NAV3: variants seen among roughly 807,000 people sequenced by gnomAD.
NAV3 encodes neuron navigator 3, also known as pore membrane and/or filament interacting like protein 1.
NAV3 carries 87 observed loss-of-function variants against 244.7 expected under a neutral mutation model. The ratio of observed to expected loss-of-function variants is 0.36; its 90% CI spans 0.30 to 0.42. NAV3 has a LOEUF of 0.42. NAV3 is among the 20% of genes least tolerant of loss of function. The pLI, the probability that NAV3 is intolerant of heterozygous loss-of-function variation, is 1.00. For synonymous variants in NAV3, 1,126 were observed against 1,042.2 expected (o/e 1.08, Z -1.55); for missense variants, 2,663 against 2,893.3 (o/e 0.92, Z 1.83).
At chr12:77,976,760 C>T (rs889893199) in intron 5 of NAV3, among the ~76,000 whole-genome samples, 1 of 143,636 alleles carries the variant, frequency 7.0e-6, no homozygotes, top group Non-Finnish European at 1.5e-5. Flanking sequence ...CTCACTGCAA[C>T]CTTCCCCTCC....
At chr12:77,691,647 T>C (rs1875038453) in intron 2 of NAV3, among the ~76,000 whole-genome samples, 1 of 151,708 alleles carries the variant, frequency 6.6e-6, no homozygotes, top group South Asian at 2.1e-4. Flanking sequence ...ATGTTTTTTC[T>C]TCGTTGAATT....
Position 77,953,823 on chromosome 12 carries a change from A to G in NAV3, c.415-12406A>G, listed in dbSNP as rs187564006. Among the ~76,000 whole-genome samples, 17 of 152,314 alleles carry G rather than the reference A, an allele frequency of 1.1e-4. No homozygotes were observed. In the East Asian group the frequency reaches 2.1e-3, roughly 19 times the overall value. ...ATCCCTGCTCAGCTTTGGGCTTGCC[A>G]AAGTTTTGATTTCTACTACTTTACT... On this transcript the variant is annotated intron_variant, in intron 3 of 39. Coordinates refer to ENST00000397909, the MANE Select transcript of NAV3 (RefSeq NM_001024383.2).
At chr12:77,878,315 T>A (rs923992472) in intron 1 of NAV3, among the ~76,000 whole-genome samples, 1 of 152,076 alleles carries the variant, frequency 6.6e-6, no homozygotes, top group Non-Finnish European at 1.5e-5. Flanking sequence ...AACCTCCACC[T>A]CCCTGGTTCA....
chr12:78,067,051 C>A (rs1238904985), intron 12 of NAV3, among the ~76,000 whole-genome samples: 2 of 152,058 alleles, frequency 1.3e-5, no homozygotes, highest in Non-Finnish European at 2.9e-5. Context: ...ATTTCCAAGC[C>A]TTTTCCAACT....
chr12:77,780,852 A>G (rs889407583), intron 2 of NAV3, among the ~76,000 whole-genome samples: 2 of 152,146 alleles, frequency 1.3e-5, no homozygotes, highest in African/African-American at 4.8e-5. Context: ...CCTGTGTAAA[A>G]TTTAGCCAAG....
intron 2 of NAV3, among the ~76,000 whole-genome samples, chr12:77,723,948 T>C (rs1267986790): frequency 6.6e-6 from 1 of 151,806 alleles, no homozygotes; most frequent in Admixed American, 6.6e-5. Context: ...CGTTTGTTCT[T>C]GAAAATATGA....
At chr12:78,022,387 A>G (rs1267514917) in intron 9 of NAV3, among the ~76,000 whole-genome samples, 1 of 152,162 alleles carries the variant, frequency 6.6e-6, no homozygotes, top group Non-Finnish European at 1.5e-5. Context: ...CTTGAGCACA[A>G]TGTTTTCTCT....
chr12:78,138,703 A>G (rs1239976923), intron 19 of NAV3, among the ~76,000 whole-genome samples: 2 of 152,296 alleles, frequency 1.3e-5, no homozygotes, highest in East Asian at 1.9e-4. Flanking sequence ...TTTGCTAAGC[A>G]TACAGATGGC....
At chr12:78,016,207 A>C (rs978278492) in intron 8 of NAV3, among the ~76,000 whole-genome samples, 1 of 151,708 alleles carries the variant, frequency 6.6e-6, no homozygotes, top group African/African-American at 2.4e-5. Flanking sequence ...CATTGCTCCT[A>C]GGTTTTCTTG....
chr12:78,060,732 GA>G (rs2137440195), intron 12 of NAV3, among the ~76,000 whole-genome samples: 1 of 152,246 alleles, frequency 6.6e-6, no homozygotes, highest in Admixed American at 6.5e-5. Flanking sequence ...TGAGTTATGT[GA>G]AAAATAGGAG....
intron 2 of NAV3, among the ~76,000 whole-genome samples, chr12:77,775,361 C>G (rs573995342): frequency 6.7e-6 from 1 of 150,186 alleles, no homozygotes; most frequent in Non-Finnish European, 1.5e-5. Context: ...CATTGTACTC[C>G]AGCATGGGCA....
intron 1 of NAV3, among the ~76,000 whole-genome samples, chr12:77,847,122 A>G (rs116229056): frequency 0.012 from 1,821 of 152,262 alleles, 31 homozygotes; most frequent in African/African-American, 0.042. Flanking sequence ...TCTCCTCTGT[A>G]AGACAGACAG....
Position 77,891,781 on chromosome 12 carries a change from T to G in NAV3, c.244-48538T>G, listed in dbSNP as rs113928950. ...AAGTCTTGCTTTCCAGTGTAATGCT[T>G]TTCTGTGTTACACTCTGCTGCCTTC... On this transcript the variant is annotated intron_variant, in intron 1 of 39. Transcript: ENST00000397909. 2.7e-3 allele frequency among the ~76,000 whole-genome samples: 411 copies of G among 152,316 alleles called. 1 individual carries two copies. Among genetic ancestry groups the G allele is most frequent in the African/African-American group, 9.0e-3 (373 of 41,576 alleles).
At position 78,140,265 on chromosome 12, in the gene NAV3, C is replaced by T. The variant is rs2139063523; in HGVS notation, c.4631-17C>T. The T allele has an allele frequency of 1.2e-6, 2 of 1,610,162 alleles. No individual in the cohort carries two copies. The highest frequency in any genetic ancestry group is 8.5e-7 in the Non-Finnish European group (1 of 1,176,776). On this transcript the variant is annotated splice_polypyrimidine_tract_variant and intron_variant, in intron 19 of 39. Coordinates refer to ENST00000397909, the MANE Select transcript of NAV3 (RefSeq NM_001024383.2). ...ACCTTATTGTTTTAACTCTATTGTT[C>T]TGTTTGTTTTCTCCAGTTCATGGCT...
At chr12:77,899,714 T>C (rs1385552694) in intron 1 of NAV3, among the ~76,000 whole-genome samples, 1 of 152,166 alleles carries the variant, frequency 6.6e-6, no homozygotes, top group African/African-American at 2.4e-5. Flanking sequence ...TGTATCTAAA[T>C]AATAAAATGA....
chr12:77,931,623 T>G (rs1369587861), intron 1 of NAV3, among the ~76,000 whole-genome samples: 2 of 151,924 alleles, frequency 1.3e-5, no homozygotes. Context: ...TCCCAGCACT[T>G]TGGGAGGCCC....
At chr12:77,935,604 C>A (rs1244452131) in intron 1 of NAV3, among the ~76,000 whole-genome samples, 1 of 152,108 alleles carries the variant, frequency 6.6e-6, no homozygotes, top group Non-Finnish European at 1.5e-5. Flanking sequence ...AGTCCATATT[C>A]CAAAGTAGAA....
chr12:78,128,217 A>G (rs1464812201), intron 17 of NAV3, among the ~76,000 whole-genome samples: 1 of 150,930 alleles, frequency 6.6e-6, no homozygotes, highest in Non-Finnish European at 1.5e-5. Context: ...TATTTTTGTA[A>G]TCTAGGCATG....
intron 1 of NAV3, among the ~76,000 whole-genome samples, chr12:77,835,637 T>C (rs1284087618): frequency 6.6e-6 from 1 of 152,242 alleles, no homozygotes; most frequent in Non-Finnish European, 1.5e-5. Flanking sequence ...CTTGGGTTTA[T>C]CTTCTTCTGC....
Sources: gnomAD v4.1 joint callset for allele counts (sites outside exome capture counted in the v4.1 genomes callset) on GRCh38, gnomAD v4.1.1 for gene constraint, MANE v1.5 for transcripts, NCBI Gene and HGNC (gene_info 2026-07-23, HGNC 2026-07-21) for gene names.